SLC41A2: variants seen among roughly 807,000 people sequenced by gnomAD.
The protein encoded by SLC41A2 is solute carrier family 41 member 2.
In SLC41A2, 32 loss-of-function variants were observed where a neutral mutation model predicts 58.3. That is an observed-to-expected ratio of 0.55 (90% CI 0.41 to 0.74). The LOEUF is 0.74. Among genes scored for constraint, SLC41A2 ranks in the 30% least tolerant of loss-of-function variants. The pLI is 0.00. For synonymous variants in SLC41A2, 190 were observed against 235.0 expected, an observed-to-expected ratio of 0.81 and a Z score of 1.75; for missense variants, 514 against 680.6, an observed-to-expected ratio of 0.76 and a Z score of 2.72.
At chr12:104,870,867 T>TC (rs58002707) in intron 6 of SLC41A2, among the ~76,000 whole-genome samples, 3 of 152,172 alleles carry the variant, frequency 2.0e-5, no homozygotes, top group African/African-American at 7.2e-5. Flanking sequence ...GTGATTTTTT[T>TC]CTAAATGCCC....
At chr12:104,889,481 A>G (rs2044839479) in intron 4 of SLC41A2, among the ~76,000 whole-genome samples, 1 of 152,180 alleles carries the variant, frequency 6.6e-6, no homozygotes, top group Admixed American at 6.5e-5. Flanking sequence ...CCACCTTCAG[A>G]CTGAGAAGTA....
At chr12:104,846,906 A>C (rs1196339129) in intron 8 of SLC41A2, among the ~76,000 whole-genome samples, 2 of 152,210 alleles carry the variant, frequency 1.3e-5, no homozygotes, top group African/African-American at 4.8e-5. Context: ...TCCCATTTCT[A>C]GGCATAAATA....
At chr12:104,846,496 T>C (rs1289353457) in intron 8 of SLC41A2, among the ~76,000 whole-genome samples, 2 of 152,212 alleles carry the variant, frequency 1.3e-5, no homozygotes, top group Non-Finnish European at 2.9e-5. Flanking sequence ...TTAAATTGTT[T>C]CTCCTTTTGC....
intron 10 of SLC41A2, among the ~76,000 whole-genome samples, chr12:104,839,535 G>A (rs1040278384): frequency 4.2e-5 from 6 of 143,484 alleles, no homozygotes; most frequent in Non-Finnish European, 7.5e-5. Flanking sequence ...ATGGAGTCTC[G>A]CTCTGTCACC....
chr12:104,886,042 T>G (rs965788725), intron 6 of SLC41A2, among the ~76,000 whole-genome samples: 19 of 152,088 alleles, frequency 1.2e-4, no homozygotes, highest in African/African-American at 4.6e-4. Context: ...ATAACTTCTA[T>G]GATCCTTGCT....
chr12:104,839,943 G>T (rs2042349580), intron 10 of SLC41A2, among the ~76,000 whole-genome samples: 1 of 152,170 alleles, frequency 6.6e-6, no homozygotes, highest in South Asian at 2.1e-4. Flanking sequence ...ACTAGTAGAA[G>T]CCTTAAATTA....
intron 6 of SLC41A2, among the ~76,000 whole-genome samples, chr12:104,877,019 A>T (rs570103118): frequency 1.3e-5 from 2 of 152,224 alleles, no homozygotes. Context: ...AATTGAGACC[A>T]TAAGACTTTT....
At chr12:104,910,416 T>A (rs2046031403) in intron 2 of SLC41A2, among the ~76,000 whole-genome samples, 2 of 152,214 alleles carry the variant, frequency 1.3e-5, no homozygotes, top group Admixed American at 6.5e-5. Flanking sequence ...ATGAGTCATG[T>A]ATCTTTCTGA....
chr12:104,814,106 CAT>C (rs763993320), intron 10 of SLC41A2, among the ~76,000 whole-genome samples: 4 of 152,036 alleles, frequency 2.6e-5, no homozygotes, highest in Non-Finnish European at 5.9e-5. Flanking sequence ...GTGGTCAAAA[CAT>C]ATGAAATCTA....
intron 10 of SLC41A2, among the ~76,000 whole-genome samples, chr12:104,826,437 CCT>C (rs1299808553): frequency 6.6e-6 from 1 of 152,128 alleles, no homozygotes; most frequent in African/African-American, 2.4e-5. Context: ...TGACCTAGCC[CCT>C]GTGTTTGCTG....
At chr12:104,812,513 G>A (rs977923809) in intron 10 of SLC41A2, among the ~76,000 whole-genome samples, 1 of 152,162 alleles carries the variant, frequency 6.6e-6, no homozygotes, top group Admixed American at 6.5e-5. Context: ...TCAGTCAAGT[G>A]TTGAGAGTAA....
rs139437371 is a variant in SLC41A2 at position 104,861,469 on chromosome 12, T to G, written c.1176-99A>C. On this transcript the variant is annotated intron_variant, in intron 7 of 10. Transcript: ENST00000258538. ...CACCCCTCCTTTTTAAAATAAAATATTCACACATTTTAAAAATAGAGCAAA... is the reference window on the plus strand; with the variant it reads ...CACCCCTCCTTTTTAAAATAAAATAGTCACACATTTTAAAAATAGAGCAAA... The G allele has an allele frequency of 1.5e-3, 914 of 605,104 alleles. 8 individuals are homozygous for G. The African/African-American group carries it at 0.015, about 10-fold the overall frequency. 37.5% of individuals were successfully genotyped at this position (605,104 alleles called of 1,614,324 possible). A position where few individuals can be genotyped will look rare whatever the true frequency, so the allele number is the denominator to read the frequency against.
At chr12:104,931,824 A>T (rs2047063796) in intron 1 of SLC41A2, 1 of 152,256 alleles carries the variant, frequency 6.6e-6, no homozygotes, top group Non-Finnish European at 1.5e-5. Flanking sequence ...CTAGGCGGTA[A>T]GAGAGTCCTG....
At position 104,805,201 on chromosome 12, in the gene SLC41A2, A is replaced by AAACTT. The variant is rs771593512; in HGVS notation, c.1668_1672dup (p.Phe558Ter). On this transcript the variant is annotated stop_gained and frameshift_variant, in exon 11 of 11. Coordinates refer to ENST00000258538, the MANE Select transcript of SLC41A2 (RefSeq NM_001352171.3). LOFTEE classifies it high-confidence loss of function. ...ATCTCCAATAAGCCAAAGAAAATGA[A>AAACTT]AACTTAAGGCTAACAGAGCTGTCCC... 1 of 1,613,516 alleles carries AAACTT rather than the reference A, an allele frequency of 6.2e-7. No homozygotes were observed. Among genetic ancestry groups the AAACTT allele is most frequent in the East Asian group, 2.2e-5 (1 of 44,866 alleles).
At chr12:104,883,086 T>C (rs2044466418) in intron 6 of SLC41A2, among the ~76,000 whole-genome samples, 1 of 152,220 alleles carries the variant, frequency 6.6e-6, no homozygotes, top group Admixed American at 6.5e-5. Flanking sequence ...CAATCACTGA[T>C]ACCCTTTCTT....
chr12:104,953,482 G>A (rs1337139344), intron 1 of SLC41A2, among the ~76,000 whole-genome samples: 3 of 152,162 alleles, frequency 2.0e-5, no homozygotes, highest in Non-Finnish European at 4.4e-5. Flanking sequence ...GCTAGGATAG[G>A]TATAAAGGTC....
At chr12:104,929,389 A>G (rs954035310) in intron 1 of SLC41A2, among the ~76,000 whole-genome samples, 2 of 152,218 alleles carry the variant, frequency 1.3e-5, no homozygotes, top group Admixed American at 6.5e-5. Flanking sequence ...TATTCACTTA[A>G]ACCTCCATTT....
chr12:104,903,347 C>T (rs143900610), intron 3 of SLC41A2, among the ~76,000 whole-genome samples: 79 of 152,278 alleles, frequency 5.2e-4, no homozygotes, highest in African/African-American at 1.8e-3. Context: ...TAGGCAAATC[C>T]GTACATAATC....
At chr12:104,933,579 C>T (rs77965653) in intron 1 of SLC41A2, among the ~76,000 whole-genome samples, 14,691 of 151,884 alleles carry the variant, frequency 0.097, 1,120 homozygotes, top group East Asian at 0.26. Context: ...CACTTGCACG[C>T]GTATGTTTAT....
Sources: allele counts gnomAD v4.1 joint callset (sites outside exome capture counted in the v4.1 genomes callset), GRCh38; gene constraint gnomAD v4.1.1; transcripts MANE v1.5; gene names NCBI Gene and HGNC (gene_info 2026-07-23, HGNC 2026-07-21).